FERMT2: variants seen among roughly 807,000 people sequenced by gnomAD.
FERMT2 encodes FERM domain containing kindlin 2, also known as fermitin family homolog 2.
In FERMT2, 15 loss-of-function variants were observed where a neutral mutation model predicts 82.7. The observed-to-expected ratio is 0.18, with a 90% CI of 0.12 to 0.28. The LOEUF (loss-of-function observed/expected upper bound fraction) is 0.28. Ranked by LOEUF, FERMT2 falls within the 10% of genes least tolerant of loss-of-function variation. The pLI, the probability that FERMT2 is intolerant of heterozygous loss-of-function variation, is 1.00. For synonymous variants in FERMT2, 274 were observed against 271.5 expected (o/e 1.01, Z -0.09); for missense variants, 645 against 809.4 (o/e 0.80, Z 2.46).
intron 12 of FERMT2, chr14:52,862,853 T>C (rs1885039620): frequency 6.6e-6 from 1 of 152,226 alleles, no homozygotes; most frequent in African/African-American, 2.4e-5. Context: ...TGATAGTTTC[T>C]AGTCAAGAAC....
intron 3 of FERMT2, among the ~76,000 whole-genome samples, chr14:52,915,788 C>T (rs1888581619): frequency 6.6e-6 from 1 of 152,124 alleles, no homozygotes; most frequent in Non-Finnish European, 1.5e-5. Flanking sequence ...ATAAAAAGTA[C>T]ATAAAATCAA....
At chr14:52,877,512 G>A (rs776545860) in intron 7 of FERMT2, among the ~76,000 whole-genome samples, 2 of 136,876 alleles carry the variant, frequency 1.5e-5, no homozygotes, top group Non-Finnish European at 3.1e-5. Flanking sequence ...TATTTTCCTT[G>A]TCTATGCTTC....
At chr14:52,912,029 T>C (rs564404980) in intron 3 of FERMT2, among the ~76,000 whole-genome samples, 11 of 150,816 alleles carry the variant, frequency 7.3e-5, no homozygotes, top group Non-Finnish European at 1.6e-4. Context: ...TGATGTTAAG[T>C]AGACTGCAGC....
At chr14:52,861,365 T>C (rs1884927330) in intron 12 of FERMT2, 2 of 285,290 alleles carry the variant, frequency 7.0e-6, no homozygotes, top group Non-Finnish European at 1.3e-5. Context: ...CCCTACATCG[T>C]GTACCCAGTT....
intron 3 of FERMT2, among the ~76,000 whole-genome samples, chr14:52,914,157 G>A (rs1220444908): frequency 6.6e-6 from 1 of 151,902 alleles, no homozygotes; most frequent in Non-Finnish European, 1.5e-5. Flanking sequence ...GAGCACAGAA[G>A]TTAAAGACCA....
intron 3 of FERMT2, among the ~76,000 whole-genome samples, chr14:52,903,938 T>C (rs772075946): frequency 6.6e-6 from 1 of 152,130 alleles, no homozygotes; most frequent in Admixed American, 6.6e-5. Flanking sequence ...AGTGGGGAGA[T>C]TGACTATAAT....
At chr14:52,931,498 C>T (rs1375612508) in intron 2 of FERMT2, among the ~76,000 whole-genome samples, 1 of 152,010 alleles carries the variant, frequency 6.6e-6, no homozygotes, top group Non-Finnish European at 1.5e-5. Flanking sequence ...GAGAGCAGGG[C>T]CTGACATAAG....
At chr14:52,901,176 G>T (rs1308380279) in intron 3 of FERMT2, among the ~76,000 whole-genome samples, 2 of 149,378 alleles carry the variant, frequency 1.3e-5, no homozygotes, top group African/African-American at 4.9e-5. Context: ...AGCTACTCCG[G>T]AGGCTGAGGC....
chr14:52,936,278 A>T (rs1365783139), intron 2 of FERMT2, among the ~76,000 whole-genome samples: 1 of 152,268 alleles, frequency 6.6e-6, no homozygotes, highest in Non-Finnish European at 1.5e-5. Flanking sequence ...AGCTTATCTC[A>T]GAAAATATTA....
At position 52,881,742 on chromosome 14, in the gene FERMT2, T is replaced by G. The variant is rs1486027814; in HGVS notation, c.527-273A>C. ...TCAAGAGAATTAGAAAATAAGGATA[T>G]AGCTGAAGCAGACAGACCAACACTT... On this transcript the variant is annotated intron_variant, in intron 4 of 14. Transcript: ENST00000341590. The G allele has an allele frequency of 3.0e-6, 4 of 1,330,864 alleles. No individual in the cohort carries two copies. In the Admixed American group the frequency reaches 9.8e-5, roughly 32 times the overall value. 82.4% of individuals were successfully genotyped at this position (1,330,864 alleles called of 1,614,324 possible).
intron 2 of FERMT2, among the ~76,000 whole-genome samples, chr14:52,945,643 T>C (rs1345138765): frequency 1.3e-5 from 2 of 152,168 alleles, no homozygotes; most frequent in Non-Finnish European, 2.9e-5. Context: ...TTGTAGATTG[T>C]GTGACTTGAT....
intron 3 of FERMT2, among the ~76,000 whole-genome samples, chr14:52,897,715 G>A (rs1273286577): frequency 2.0e-5 from 3 of 152,146 alleles, no homozygotes; most frequent in African/African-American, 4.8e-5. Context: ...GACGGCTCAC[G>A]CCTGTAATCC....
At chr14:52,883,749 T>G (rs1886423155) in intron 4 of FERMT2, among the ~76,000 whole-genome samples, 1 of 152,050 alleles carries the variant, frequency 6.6e-6, no homozygotes, top group Non-Finnish European at 1.5e-5. Context: ...ATCACAGGGG[T>G]GGAGTTCTCA....
intron 3 of FERMT2, among the ~76,000 whole-genome samples, chr14:52,905,796 G>A (rs1398923525): frequency 6.6e-6 from 1 of 152,192 alleles, no homozygotes; most frequent in Non-Finnish European, 1.5e-5. Context: ...CATGAGTTCA[G>A]CCTTGAGCAT....
At chr14:52,925,952 G>A (rs114246538) in intron 2 of FERMT2, among the ~76,000 whole-genome samples, 1,625 of 152,198 alleles carry the variant, frequency 0.011, 20 homozygotes, top group African/African-American at 0.037. Context: ...CACAGATGCG[G>A]TAACTCTTGA....
At chr14:52,868,951 G>C (rs1885452287) in intron 10 of FERMT2, among the ~76,000 whole-genome samples, 1 of 152,172 alleles carries the variant, frequency 6.6e-6, no homozygotes, top group South Asian at 2.1e-4. Context: ...AGAGGACTTG[G>C]GAGCAGTGGG....
In FERMT2 at chr14:52,893,345, C is replaced by G; in HGVS notation, c.474G>C (p.Gln158His). ...CTAATTCAAGTGCCTCATCTTCAGA[C>G]TGGTCATCTAGCTTCTTCTTTTTTT... ...TKKKKKKLDD[Q>H]SEDEALELEG... Residue 158 changes from glutamine (Q) to histidine (H), a missense_variant, in exon 4 of 15, where the codon CAG becomes CAC. Gln to His is a conservative substitution (Grantham distance 24). Coordinates refer to ENST00000341590, the MANE Select transcript of FERMT2 (RefSeq NM_006832.3). 6.2e-7 allele frequency: 1 copy of G among 1,613,174 alleles called. No homozygotes were observed. Among genetic ancestry groups the G allele is most frequent in the Non-Finnish European group, 8.5e-7 (1 of 1,179,664 alleles).
intron 3 of FERMT2, among the ~76,000 whole-genome samples, chr14:52,909,108 T>C (rs1279299827): frequency 6.6e-6 from 1 of 152,114 alleles, no homozygotes; most frequent in Non-Finnish European, 1.5e-5. Context: ...GCTTTGCTGT[T>C]AGGACACAGG....
chr14:52,885,952 T>C (rs1267866878), intron 4 of FERMT2, among the ~76,000 whole-genome samples: 1 of 149,496 alleles, frequency 6.7e-6, no homozygotes, highest in Non-Finnish European at 1.5e-5. Flanking sequence ...TAAAACAATA[T>C]GGTTTTAAAA....
Sources: gnomAD v4.1 joint callset for allele counts (sites outside exome capture counted in the v4.1 genomes callset) on GRCh38, gnomAD v4.1.1 for gene constraint, MANE v1.5 for transcripts, NCBI Gene and HGNC (gene_info 2026-07-23, HGNC 2026-07-21) for gene names.